Variants in IGF2R observed in about 807,000 individuals in gnomAD.
IGF2R encodes the protein cation-independent mannose-6-phosphate receptor.
A neutral mutation model predicts 270.6 loss-of-function variants in IGF2R; 91 were observed. The ratio of observed to expected loss-of-function variants is 0.34; its 90% confidence interval spans 0.28 to 0.40. IGF2R has a LOEUF of 0.40. IGF2R is among the 10% of genes least tolerant of loss of function. The probability of loss-of-function intolerance (pLI) is 1.00; values close to 1 mark genes in which losing one functional copy is unlikely to be tolerated. For synonymous variants in IGF2R, 1,316 were observed against 1,258.9 expected, an observed-to-expected ratio of 1.05 and a Z score of -0.96; for missense variants, 2,805 against 3,188.3, an observed-to-expected ratio of 0.88 and a Z score of 2.90.
intron 1 of IGF2R, among the ~76,000 whole-genome samples, chr6:159,982,247 C>G (rs1196766396): frequency 6.6e-6 from 1 of 152,172 alleles, no homozygotes; most frequent in Non-Finnish European, 1.5e-5. Context: ...TTCCCTTTCT[C>G]CTTAGTTAAG....
chr6:160,030,273 C>T (rs1777666304), intron 7 of IGF2R, among the ~76,000 whole-genome samples: 1 of 152,150 alleles, frequency 6.6e-6, no homozygotes, highest in African/African-American at 2.4e-5. Context: ...GGAGGCGTCC[C>T]CCAGGGAGGG....
Position 160,061,604 on chromosome 6 carries a change from T to C in IGF2R, c.3364T>C (p.Leu1122=), listed in dbSNP as rs1380920631. The C allele has an allele frequency of 1.7e-5, 27 of 1,614,040 alleles. No individual in the cohort carries two copies. Among genetic ancestry groups the C allele is most frequent in the Non-Finnish European group, 2.2e-5 (26 of 1,180,012 alleles). Reference sequence around the variant, plus strand: ...CGATGGGAGAAAGAGGACTTTCTATTTGAGCGTTTGCAATCCTCTCCCTTA... The same window carrying C: ...CGATGGGAGAAAGAGGACTTTCTATCTGAGCGTTTGCAATCCTCTCCCTTA... ...SVDGRKRTFY[L]SVCNPLPYIP... Residue 1122 remains leucine (L), a synonymous_variant, in exon 24 of 48, where the codon TTG becomes CTG. Coordinates refer to ENST00000356956, the MANE Select transcript of IGF2R (RefSeq NM_000876.4).
At chr6:159,979,476 T>C (rs1043080350) in intron 1 of IGF2R, among the ~76,000 whole-genome samples, 4 of 152,190 alleles carry the variant, frequency 2.6e-5, no homozygotes, top group African/African-American at 7.2e-5. Flanking sequence ...TTCTCTTTTG[T>C]CTCTTTTTAC....
At chr6:160,007,515 T>G (rs1230174900) in intron 2 of IGF2R, 1 of 152,240 alleles carries the variant, frequency 6.6e-6, no homozygotes, top group Non-Finnish European at 1.5e-5. Context: ...TTCTTTGATT[T>G]GCTTGATCAT....
intron 19 of IGF2R, among the ~76,000 whole-genome samples, chr6:160,055,491 A>G (rs1728665510): frequency 6.6e-6 from 1 of 152,198 alleles, no homozygotes; most frequent in Non-Finnish European, 1.5e-5. Context: ...GAACTTTCAC[A>G]GGCTAAAGCT....
At chr6:159,972,638 C>T (rs573234820) in intron 1 of IGF2R, among the ~76,000 whole-genome samples, 2 of 152,332 alleles carry the variant, frequency 1.3e-5, no homozygotes, top group South Asian at 2.1e-4. Context: ...GGGGTGCCTG[C>T]GAGGCACCTT....
At chr6:160,062,207 T>C (rs1213330019) in intron 25 of IGF2R, among the ~76,000 whole-genome samples, 2 of 140,478 alleles carry the variant, frequency 1.4e-5, no homozygotes, top group African/African-American at 2.6e-5. Context: ...GGAGTCTTAC[T>C]CTGTCACCCA....
intron 29 of IGF2R, among the ~76,000 whole-genome samples, chr6:160,065,822 A>G (rs1464818919): frequency 0.031 from 2,114 of 68,872 alleles, 60 homozygotes; most frequent in East Asian, 0.15. Flanking sequence ...GTGTATATAT[A>G]TATATATATA....
At chr6:159,990,197 T>C (rs1286521680) in intron 1 of IGF2R, among the ~76,000 whole-genome samples, 2 of 152,220 alleles carry the variant, frequency 1.3e-5, no homozygotes, top group Non-Finnish European at 2.9e-5. Context: ...TACTATCTTA[T>C]ATTCAGCATG....
Position 160,032,598 on chromosome 6 carries a change from T to C in IGF2R, c.930T>C (p.Ile310=). Residue 310 remains isoleucine (I), a synonymous_variant, in exon 8 of 48, where the codon ATT becomes ATC. Transcript: ENST00000356956. ...CTAAATCCAACTGCCGCTATGAAAT[T>C]GAGTGGATTACTGAGTATGCCTGCC... The part of the protein sequence containing the change: ...LTAKSNCRYE[I]EWITEYACHR... The C allele has an allele frequency of 6.2e-7, 1 of 1,614,110 alleles. No individual in the cohort carries two copies. Among genetic ancestry groups the C allele is most frequent in the South Asian group, 1.1e-5 (1 of 91,062 alleles).
chr6:160,107,696 C>G lies in IGF2R; in HGVS notation c.*2612C>G, dbSNP rs1279890280. On this transcript the variant is annotated 3_prime_UTR_variant, in exon 48 of 48. Coordinates refer to ENST00000356956, the MANE Select transcript of IGF2R (RefSeq NM_000876.4). ...TAGGCAAACCCCACACCAAGGAAAT[C>G]CACAGTGAAGTGGAAATCTGGTTCT... 6.6e-6 allele frequency: 1 copy of G among 152,142 alleles called. No homozygotes were observed. The highest frequency in any genetic ancestry group is 2.4e-5 in the African/African-American group (1 of 41,432). The allele number at this position is 152,142 out of a possible 1,614,324, so 9.4% of individuals were successfully genotyped here.
intron 44 of IGF2R, chr6:160,093,590 G>T (rs545142897): frequency 1.5e-6 from 1 of 682,518 alleles, no homozygotes; most frequent in Non-Finnish European, 2.8e-6. Flanking sequence ...CATCAACCCA[G>T]TGGGGGACTG....
rs1406510192 is a variant in IGF2R at position 160,012,771 on chromosome 6, T to TG, written c.513+1986_513+1987insG. ...TATATATATATATATATATTTTTTT[T>TG]TTTTTTTGTTTGTTTGTTTGTTTAT... On this transcript the variant is annotated intron_variant, in intron 4 of 47. Coordinates refer to ENST00000356956, the MANE Select transcript of IGF2R (RefSeq NM_000876.4). 1.3e-3 allele frequency among the ~76,000 whole-genome samples: 151 copies of TG among 118,778 alleles called. 11 individuals are homozygous for TG. Among genetic ancestry groups the TG allele is most frequent in the Middle Eastern group, 4.2e-3 (1 of 238 alleles). The allele number at this position is 118,778 out of a possible 152,430, so 77.9% of individuals were successfully genotyped here.
intron 10 of IGF2R, among the ~76,000 whole-genome samples, chr6:160,037,372 T>C (rs1777850740): frequency 6.6e-6 from 1 of 152,260 alleles, no homozygotes; most frequent in African/African-American, 2.4e-5. Flanking sequence ...AATTGTGTAC[T>C]GTAAAATTAG....
chr6:159,981,305 CTGAG>C (rs1218707801), intron 1 of IGF2R, among the ~76,000 whole-genome samples: 4 of 151,692 alleles, frequency 2.6e-5, no homozygotes, highest in East Asian at 1.9e-4. Context: ...GTGTGTGTGT[CTGAG>C]TGTCTGTGAG....
rs540915152 is a variant in IGF2R at position 160,050,126 on chromosome 6, T to C, written c.2515-347T>C. Among the ~76,000 whole-genome samples the C allele has an allele frequency of 5.3e-5, 8 of 152,310 alleles. No homozygotes were observed. Among genetic ancestry groups the C allele is most frequent in the African/African-American group, 1.7e-4 (7 of 41,558 alleles). Reference sequence around the variant, plus strand: ...ACCGGAATTCAGGATCTGAAGAACATCTTACACGATTATTGAACGAAAGCC... The same window carrying C: ...ACCGGAATTCAGGATCTGAAGAACACCTTACACGATTATTGAACGAAAGCC... On this transcript the variant is annotated intron_variant, in intron 18 of 47. Coordinates refer to ENST00000356956, the MANE Select transcript of IGF2R (RefSeq NM_000876.4). The surrounding 1 kb of genome is among the most constrained non-coding windows in gnomAD (Gnocchi z 4.0).
intron 20 of IGF2R, 138 bp from the exon 21 acceptor site, chr6:160,057,885 G>T (rs1778347469): frequency 3.3e-6 from 2 of 607,396 alleles, no homozygotes; most frequent in Non-Finnish European, 3.0e-6. Flanking sequence ...CTACATTTTT[G>T]ATAGGGATTT....
At chr6:160,011,017 A>G (rs184807780) in intron 4 of IGF2R, among the ~76,000 whole-genome samples, 13 of 152,328 alleles carry the variant, frequency 8.5e-5, no homozygotes, top group Admixed American at 4.6e-4. Context: ...TGGAAATAGA[A>G]TGGCTCATCC....
chr6:160,062,039 A>G (rs183496725), intron 25 of IGF2R, 111 bp downstream of exon 25: 1 of 986,174 alleles, frequency 1.0e-6, no homozygotes, highest in Non-Finnish European at 1.5e-6. Flanking sequence ...GTTTTCGTGG[A>G]GTTTCAGCCA....
Sources: allele counts gnomAD v4.1 joint callset (sites outside exome capture counted in the v4.1 genomes callset), GRCh38; gene constraint gnomAD v4.1.1; non-coding constraint Gnocchi (gnomAD v3.1); transcripts MANE v1.5; gene names NCBI Gene and HGNC (gene_info 2026-07-23, HGNC 2026-07-21).